Variants in DHX57 observed in about 807,000 individuals in gnomAD.
DHX57 encodes the protein putative ATP-dependent RNA helicase DHX57.
DHX57 carries 105 observed loss-of-function variants against 156.2 expected under a neutral mutation model. The observed-to-expected ratio is 0.67, with a 90% confidence interval of 0.57 to 0.79. The LOEUF is 0.79. Ranked by LOEUF, DHX57 falls within the 30% of genes least tolerant of loss-of-function variation. The pLI, the probability that DHX57 is intolerant of heterozygous loss-of-function variation, is 0.00. For synonymous variants in DHX57, 704 were observed against 595.6 expected (o/e 1.18, Z -2.65); for missense variants, 1,847 against 1,661.9 (o/e 1.11, Z -1.94).
chr2:38,820,033 G>A (rs1436672876), intron 17 of DHX57, among the ~76,000 whole-genome samples: 1 of 152,160 alleles, frequency 6.6e-6, no homozygotes, highest in Admixed American at 6.6e-5. Flanking sequence ...AGCATGAGCT[G>A]CAGTAGTTTC....
chr2:38,811,338 A>G (rs1572625882), intron 21 of DHX57: 1 of 526,138 alleles, frequency 1.9e-6, no homozygotes, highest in East Asian at 4.5e-5. Flanking sequence ...TGGGACACAT[A>G]CTTTGCCCCC....
chr2:38,841,519 T>C (rs934351511), intron 12 of DHX57, among the ~76,000 whole-genome samples: 1 of 152,242 alleles, frequency 6.6e-6, no homozygotes, highest in Non-Finnish European at 1.5e-5. Flanking sequence ...AATATCTTAA[T>C]TCCTTGGTGA....
chr2:38,829,584 C>G (rs966945503), intron 13 of DHX57, among the ~76,000 whole-genome samples: 1 of 152,030 alleles, frequency 6.6e-6, no homozygotes, highest in Admixed American at 6.6e-5. Context: ...TGGCAACTTT[C>G]TATTTTTTTA....
chr2:38,801,073 C>T (rs539959221), intron 23 of DHX57, among the ~76,000 whole-genome samples: 7 of 152,188 alleles, frequency 4.6e-5, no homozygotes, highest in African/African-American at 1.7e-4. Flanking sequence ...AATGTGGCTA[C>T]TAGAACAATT....
At chr2:38,841,261 G>A (rs1254596557) in intron 12 of DHX57, among the ~76,000 whole-genome samples, 1 of 152,154 alleles carries the variant, frequency 6.6e-6, no homozygotes, top group Non-Finnish European at 1.5e-5. Context: ...TACTAGCTGG[G>A]CACTATCCTT....
chr2:38,833,045 G>C (rs1378782331), intron 13 of DHX57, among the ~76,000 whole-genome samples: 1 of 141,412 alleles, frequency 7.1e-6, no homozygotes, highest in Non-Finnish European at 1.5e-5. Context: ...GTGAGCCACT[G>C]TGCCTGGCCG....
chr2:38,809,923 A>T (rs977590168), intron 21 of DHX57, among the ~76,000 whole-genome samples: 2 of 151,230 alleles, frequency 1.3e-5, no homozygotes, highest in Non-Finnish European at 3.0e-5. Flanking sequence ...AGACGGAGTC[A>T]TGTTCTGTAG....
chr2:38,855,335 G>A, intron 7 of DHX57, 83 bp from the exon 8 acceptor site: 1 of 1,379,200 alleles, frequency 7.3e-7, no homozygotes, highest in Non-Finnish European at 1.0e-6. Context: ...AATGAGAAAA[G>A]TGATAAAGCT....
At chr2:38,864,124 G>A (rs968551621) in intron 2 of DHX57, among the ~76,000 whole-genome samples, 1 of 151,782 alleles carries the variant, frequency 6.6e-6, no homozygotes, top group Admixed American at 6.6e-5. Flanking sequence ...CTGCACTATA[G>A]GACATGAAGA....
At chr2:38,812,350 G>A (rs139482117) in intron 21 of DHX57, among the ~76,000 whole-genome samples, 133 of 152,274 alleles carry the variant, frequency 8.7e-4, no homozygotes, top group African/African-American at 3.1e-3. Context: ...GATGTTAACT[G>A]AGGATTTAAT....
intron 23 of DHX57, among the ~76,000 whole-genome samples, chr2:38,798,997 G>A (rs1054942810): frequency 2.0e-5 from 3 of 151,994 alleles, no homozygotes; most frequent in African/African-American, 4.8e-5. Context: ...TTTATATAGT[G>A]TTCTCCATAT....
intron 1 of DHX57, among the ~76,000 whole-genome samples, chr2:38,872,224 T>A (rs534103389): frequency 1.3e-5 from 2 of 152,208 alleles, no homozygotes; most frequent in Non-Finnish European, 2.9e-5. Context: ...CTGAAGTTGT[T>A]CATAAACCCC....
At chr2:38,848,676 G>C (rs1672419384) in intron 9 of DHX57, among the ~76,000 whole-genome samples, 1 of 152,092 alleles carries the variant, frequency 6.6e-6, no homozygotes, top group South Asian at 2.1e-4. Context: ...AGATATCTGG[G>C]GGATGGGGTC....
chr2:38,861,689 A>T lies in DHX57; in HGVS notation c.721T>A (p.Leu241Met), dbSNP rs778939120. 1 of 1,614,088 alleles carries T rather than the reference A, an allele frequency of 6.2e-7. No individual in the cohort carries two copies. The highest frequency in any genetic ancestry group is 1.3e-5 in the African/African-American group (1 of 75,014). ...TGTCGCTGTTCCATACACTCATCCA[A>T]GCTTATCTGGTTGACTGCCTCAGAG... Reference protein sequence around the residue: ...KISEAVNQISLDECMEQRQEE... With the variant: ...KISEAVNQISMDECMEQRQEE... The change falls in exon 5 of 24, where the codon TTG becomes ATG. Residue 241 changes from leucine to methionine, a missense_variant. By Grantham distance (15) the Leu-to-Met change is conservative. Transcript: ENST00000457308.
intron 13 of DHX57, among the ~76,000 whole-genome samples, chr2:38,837,619 A>AAAAAAAAAAAAAAAAAAAAAG (rs1671750692): frequency 6.7e-6 from 1 of 150,022 alleles, no homozygotes; most frequent in African/African-American, 2.4e-5. Context: ...CTCAAAAAAA[A>AAAAAAAAAAAAAAAAAAAAAG]AAAAAGATAA....
chr2:38,863,088 G>T (rs907359951), intron 3 of DHX57: 8 of 327,354 alleles, frequency 2.4e-5, no homozygotes, highest in African/African-American at 1.7e-4. Flanking sequence ...GGGTTTATCT[G>T]GAAGGTTACA....
At position 38,825,857 on chromosome 2, in the gene DHX57, G is replaced by C. The variant is rs531043285; in HGVS notation, c.3004C>G (p.Leu1002Val). 4.3e-6 allele frequency: 7 copies of C among 1,614,028 alleles called. No homozygotes were observed. The Admixed American group carries it at 1.2e-4, about 27-fold the overall frequency. Residue 1002 changes from leucine (L) to valine (V), a missense_variant, in exon 16 of 24, where the codon CTG becomes GTG. Physicochemically the swap from Leu to Val is conservative, Grantham distance 32. Transcript: ENST00000457308. Reference sequence around the variant, plus strand: ...AAAACCAGATGTCACCTTAGACACAGCTGTTCCAATGGCACTCTTTGTATT... The same window carrying C: ...AAAACCAGATGTCACCTTAGACACACCTGTTCCAATGGCACTCTTTGTATT... ...PEIQRVPLEQ[L>V]CLRIKILEMF...
chr2:38,828,307 G>T (rs766597522), intron 14 of DHX57, 33 bp downstream of exon 14: 1 of 1,546,590 alleles, frequency 6.5e-7, no homozygotes, highest in African/African-American at 1.4e-5. Flanking sequence ...AACTGCAATG[G>T]ATGATTAAGA....
At chr2:38,798,501 G>C in intron 23 of DHX57, 59 bp from the exon 24 acceptor site, 2 of 1,519,584 alleles carry the variant, frequency 1.3e-6, no homozygotes, top group South Asian at 1.3e-5. Context: ...TAGGTTATTG[G>C]AGGGAAATAC....
Sources: gnomAD v4.1 joint callset for allele counts (sites outside exome capture counted in the v4.1 genomes callset) on GRCh38, gnomAD v4.1.1 for gene constraint, MANE v1.5 for transcripts, NCBI Gene and HGNC (gene_info 2026-07-23, HGNC 2026-07-21) for gene names.